Variants in TUBGCP5 observed in about 807,000 individuals in gnomAD.
TUBGCP5 encodes the protein tubulin gamma complex component 5, also known as gamma-tubulin complex component 5.
In TUBGCP5, 98 loss-of-function variants were observed where a neutral mutation model predicts 134.7. That is an observed-to-expected ratio of 0.73 (90% confidence interval 0.62 to 0.86). The LOEUF (loss-of-function observed/expected upper bound fraction) is 0.86, where lower values mean the gene tolerates loss of function less well. TUBGCP5 is among the 40% of genes least tolerant of loss of function. The probability of loss-of-function intolerance (pLI) is 0.00; values close to 1 mark genes in which losing one functional copy is unlikely to be tolerated. For missense variants in TUBGCP5, 1,150 were observed against 1,244.8 expected (o/e 0.92, Z 1.15); for synonymous variants, 456 against 431.4 (o/e 1.06, Z -0.71).
At chr15:23,029,347 A>T (rs921080934) in intron 6 of TUBGCP5, among the ~76,000 whole-genome samples, 3 of 152,086 alleles carry the variant, frequency 2.0e-5, no homozygotes, top group African/African-American at 7.2e-5. Context: ...TCAGCCTCCC[A>T]GGTAGCTGGG....
intron 21 of TUBGCP5, among the ~76,000 whole-genome samples, chr15:23,001,134 C>T (rs1051167766): frequency 2.0e-5 from 3 of 152,130 alleles, no homozygotes; most frequent in Non-Finnish European, 4.4e-5. Flanking sequence ...CCTCCGCCTC[C>T]TGGGTTCAAG....
chr15:23,005,051 T>C lies in TUBGCP5; in HGVS notation c.2712+381A>G, dbSNP rs181760311. ...TTAAGAAAAAAGTCTATAACCTGGC[T>C]GCATCTTCCTCCCACACACCGTAGT... On this transcript the variant is annotated intron_variant, in intron 19 of 22. Transcript: ENST00000615383. Among the ~76,000 whole-genome samples the C allele has an allele frequency of 1.2e-3, 183 of 152,364 alleles. 1 individual carries two copies. Among genetic ancestry groups the C allele is most frequent in the African/African-American group, 4.2e-3 (174 of 41,592 alleles).
Position 23,006,087 on chromosome 15 carries a change from C to A in TUBGCP5, c.2498G>T (p.Trp833Leu), listed in dbSNP as rs1245543809. 1 of 1,610,428 alleles carries A rather than the reference C, an allele frequency of 6.2e-7. No individual in the cohort carries two copies. The highest frequency in any genetic ancestry group is 1.1e-5 in the South Asian group (1 of 89,630). The change falls in exon 18 of 23, where the codon TGG (tryptophan) becomes TTG (leucine). Residue 833 changes from tryptophan (W) to leucine (L), a missense_variant. Around this residue, in one of 2 missense-constraint regions of TUBGCP5, gnomAD observed 697 missense variants for 850.1 expected, o/e 0.82. Transcript: ENST00000615383. ...QVFLLLLQIK[W>L]AKYSLDVLLF... is the part of the protein sequence containing the mutation. Reference sequence around the variant, plus strand: ...TAAAACATCCAGACTATATTTTGCCCACTTTATTTGCAATAAGAGAAGAAA... The same window carrying A: ...TAAAACATCCAGACTATATTTTGCCAACTTTATTTGCAATAAGAGAAGAAA...
intron 11 of TUBGCP5, among the ~76,000 whole-genome samples, chr15:23,021,180 G>A (rs528017298): frequency 1.2e-3 from 180 of 152,030 alleles, no homozygotes; most frequent in Non-Finnish European, 1.9e-3. Flanking sequence ...TATGTTGCCC[G>A]GGCTGGTCTC....
chr15:23,024,563 C>T (rs1234366157), intron 9 of TUBGCP5, among the ~76,000 whole-genome samples, 174 bp downstream of exon 9: 1 of 152,082 alleles, frequency 6.6e-6, no homozygotes, highest in Non-Finnish European at 1.5e-5. Context: ...TATAAAGATG[C>T]ACAACTCAAT....
At chr15:22,994,901 C>T (rs2140365491), downstream of TUBGCP5, among the ~76,000 whole-genome samples, 1 of 152,160 alleles carries the variant, frequency 6.6e-6, no homozygotes, top group South Asian at 2.1e-4. Context: ...TGTGCTTGAG[C>T]TCCAAAGTTT....
chr15:23,020,287 A>T (rs982028017), intron 11 of TUBGCP5, among the ~76,000 whole-genome samples: 1 of 151,874 alleles, frequency 6.6e-6, no homozygotes, highest in East Asian at 1.9e-4. Context: ...GGCGCCTGTA[A>T]TCCCAGGTAC....
chr15:23,004,319 C>T, intron 19 of TUBGCP5, 92 bp from the exon 20 acceptor site: 1 of 1,434,844 alleles, frequency 7.0e-7, no homozygotes, highest in Non-Finnish European at 9.5e-7. Flanking sequence ...TCTTCTACTC[C>T]TCTCAAATTC....
intron 23 of TUBGCP5, among the ~76,000 whole-genome samples, chr15:22,990,965 A>AT (rs1257200883): frequency 6.6e-6 from 1 of 152,176 alleles, no homozygotes; most frequent in Non-Finnish European, 1.5e-5. Flanking sequence ...CCATGGCCCT[A>AT]TTGCTCCCTT....
At chr15:23,008,039 A>G (rs1374046508) in intron 16 of TUBGCP5, among the ~76,000 whole-genome samples, 1 of 152,156 alleles carries the variant, frequency 6.6e-6, no homozygotes, top group African/African-American at 2.4e-5. Context: ...GAAGGAGGCC[A>G]TCAGACCCTG....
downstream of TUBGCP5, among the ~76,000 whole-genome samples, chr15:22,995,034 G>A (rs992409265): frequency 2.0e-5 from 3 of 151,948 alleles, no homozygotes; most frequent in African/African-American, 4.8e-5. Flanking sequence ...ACTCGAGGTC[G>A]GGAGTTCAAG....
intron 23 of TUBGCP5, among the ~76,000 whole-genome samples, chr15:22,984,939 CAT>C (rs2063636540): frequency 6.6e-6 from 1 of 152,194 alleles, no homozygotes; most frequent in South Asian, 2.1e-4. Flanking sequence ...AGTGAAAAGA[CAT>C]AGACAATATT....
Position 23,013,753 on chromosome 15 carries a change from A to T in TUBGCP5, c.1757-2422T>A, listed in dbSNP as rs945455930. 6.6e-6 allele frequency among the ~76,000 whole-genome samples: 1 copy of T among 152,138 alleles called. No individual in the cohort carries two copies. Among genetic ancestry groups the T allele is most frequent in the Non-Finnish European group, 1.5e-5 (1 of 68,018 alleles). ...TCACGCAGCTGCCTTGCCCCGGGTTAGGGGCACAAGGTGTGCCTTCCCCAC... is the reference window on the plus strand; with the variant it reads ...TCACGCAGCTGCCTTGCCCCGGGTTTGGGGCACAAGGTGTGCCTTCCCCAC... On this transcript the variant is annotated intron_variant, in intron 13 of 22. Transcript: ENST00000615383. This position sits in a 1 kb window ranked among gnomAD's most constrained non-coding sequence, Gnocchi z 4.5.
chr15:23,038,686 T>A (rs1382728684), intron 1 of TUBGCP5, among the ~76,000 whole-genome samples: 1 of 152,216 alleles, frequency 6.6e-6, no homozygotes, highest in Non-Finnish European at 1.5e-5. Context: ...TAACATTTTT[T>A]TAGTAATAAT....
intron 9 of TUBGCP5, 115 bp from the exon 10 acceptor site, chr15:23,024,308 T>C: frequency 1.7e-6 from 2 of 1,187,126 alleles, no homozygotes; most frequent in South Asian, 1.7e-5. Flanking sequence ...GTATGTTTAG[T>C]AGAAGACAAA....
chr15:22,999,763 G>T lies in TUBGCP5; in HGVS notation c.*57C>A. On this transcript the variant is annotated 3_prime_UTR_variant, in exon 23 of 23. Transcript: ENST00000615383. Reference sequence around the variant, plus strand: ...ATATTTTCACTTTTCAGCTGCACATGGTGGAAATGTACATGTATGATGACA... The same window carrying T: ...ATATTTTCACTTTTCAGCTGCACATTGTGGAAATGTACATGTATGATGACA... 2 of 1,543,406 alleles carry T rather than the reference G, an allele frequency of 1.3e-6. No homozygotes were observed. Among genetic ancestry groups the T allele is most frequent in the Non-Finnish European group, 1.8e-6 (2 of 1,117,626 alleles).
rs1245563128 is a variant in TUBGCP5, at chr15:22,999,394, G to A, written c.*426C>T. 2 of 221,462 alleles carry A rather than the reference G, an allele frequency of 9.0e-6. No individual in the cohort carries two copies. The highest frequency in any genetic ancestry group is 1.8e-5 in the Non-Finnish European group (2 of 108,710). 13.7% of individuals were successfully genotyped at this position (221,462 alleles called of 1,614,324 possible). A position where few individuals can be genotyped will look rare whatever the true frequency, so the allele number is the denominator to read the frequency against. Reference sequence around the variant, plus strand: ...AAACCCACCTACAATCCATCTGTCTGGACTGTGGGCAAGTGGTTCTTTCTG... The same window carrying A: ...AAACCCACCTACAATCCATCTGTCTAGACTGTGGGCAAGTGGTTCTTTCTG... On this transcript the variant is annotated 3_prime_UTR_variant, in exon 23 of 23. Transcript: ENST00000615383.
At chr15:22,987,197 G>A (rs1031803233) in intron 23 of TUBGCP5, among the ~76,000 whole-genome samples, 1 of 152,016 alleles carries the variant, frequency 6.6e-6, no homozygotes, top group Non-Finnish European at 1.5e-5. Context: ...AACCGGGCGT[G>A]GTGGAACATG....
chr15:23,032,912 T>C (rs2066395787), intron 3 of TUBGCP5, 88 bp from the exon 4 acceptor site: 3 of 951,042 alleles, frequency 3.2e-6, no homozygotes, highest in African/African-American at 1.7e-5. Context: ...ATGACAGTTA[T>C]GTCCCCAATT....
Sources: gnomAD v4.1 joint callset for allele counts (sites outside exome capture counted in the v4.1 genomes callset) on GRCh38, gnomAD v4.1.1 for gene constraint, gnomAD v4.1.1 regional missense constraint, Gnocchi (gnomAD v3.1) non-coding constraint, MANE v1.5 for transcripts, NCBI Gene and HGNC (gene_info 2026-07-23, HGNC 2026-07-21) for gene names.